CNTNAP2: variants seen among roughly 807,000 people sequenced by gnomAD.
CNTNAP2 encodes the protein contactin-associated protein-like 2.
A neutral mutation model predicts 155.2 loss-of-function variants in CNTNAP2; 98 were observed. The ratio of observed to expected loss-of-function variants is 0.63; its 90% CI spans 0.54 to 0.75. The LOEUF (loss-of-function observed/expected upper bound fraction) is 0.75, where lower values mean the gene tolerates loss of function less well. Ranked by LOEUF, CNTNAP2 falls within the 30% of genes least tolerant of loss-of-function variation. The pLI, the probability that CNTNAP2 is intolerant of heterozygous loss-of-function variation, is 0.00. For synonymous variants in CNTNAP2, 651 were observed against 631.2 expected, an observed-to-expected ratio of 1.03 and a Z score of -0.47; for missense variants, 1,727 against 1,688.1, an observed-to-expected ratio of 1.02 and a Z score of -0.40.
Position 147,262,067 on chromosome 7 carries a change from C to T in CNTNAP2, c.1349-38074C>T, listed in dbSNP as rs145237401. On this transcript the variant is annotated intron_variant, in intron 8 of 23. Transcript: ENST00000361727. ...TGTGTTAGGAGGCAAGCAAAAGTTA[C>T]AAAGAATGGATGATAATCTTTTGTT... is the stretch of plus-strand genomic sequence containing the variant. Among the ~76,000 whole-genome samples the T allele has an allele frequency of 2.6e-3, 389 of 152,240 alleles. 2 individuals carry two copies. Among genetic ancestry groups the T allele is most frequent in the African/African-American group, 8.6e-3 (357 of 41,550 alleles).
intron 8 of CNTNAP2, among the ~76,000 whole-genome samples, chr7:147,219,764 C>T (rs987626504): frequency 2.6e-5 from 4 of 152,056 alleles, no homozygotes; most frequent in African/African-American, 9.7e-5. Flanking sequence ...GAGAGCAAAG[C>T]CCTCCTGGCT....
At chr7:146,668,584 C>T (rs1436523417) in intron 1 of CNTNAP2, among the ~76,000 whole-genome samples, 1 of 151,962 alleles carries the variant, frequency 6.6e-6, no homozygotes, top group Non-Finnish European at 1.5e-5. Context: ...TATTAATTCT[C>T]CTTCATAGAT....
At chr7:147,955,257 A>T (rs1801000622) in intron 14 of CNTNAP2, among the ~76,000 whole-genome samples, 1 of 152,218 alleles carries the variant, frequency 6.6e-6, no homozygotes, top group Admixed American at 6.5e-5. Context: ...TACATATCAG[A>T]ATTTCATGTA....
chr7:148,072,099 G>T lies in CNTNAP2; in HGVS notation c.2384-46019G>T, dbSNP rs115718981. ...CACCCCACACATATACTTATTTATT[G>T]TCACAGCCTGATTTATAATTGTTTT... is the stretch of plus-strand genomic sequence containing the variant. On this transcript the variant is annotated intron_variant, in intron 15 of 23. Transcript: ENST00000361727. Among the ~76,000 whole-genome samples, 1,410 of 152,068 alleles carry T rather than the reference G, an allele frequency of 9.3e-3. 17 individuals carry two copies. The highest frequency in any genetic ancestry group is 0.024 in the Middle Eastern group (7 of 294).
intron 1 of CNTNAP2, among the ~76,000 whole-genome samples, chr7:146,326,097 C>T (rs1801092896): frequency 6.6e-6 from 1 of 152,168 alleles, no homozygotes; most frequent in South Asian, 2.1e-4. Flanking sequence ...TAATGCAATG[C>T]TCAGACATGG....
intron 10 of CNTNAP2, among the ~76,000 whole-genome samples, chr7:147,414,941 C>CAAAA (rs67048724): frequency 0.17 from 8,454 of 50,708 alleles, 995 homozygotes; most frequent in Non-Finnish European, 0.24. Context: ...GACTCCTTCT[C>CAAAA]AAAAAAAAAA....
In CNTNAP2 at chr7:146,995,932, TAAAAC is replaced by T. The variant is rs538148386; in HGVS notation, c.403-47951_403-47947del. Among the ~76,000 whole-genome samples, 422 of 152,184 alleles carry T rather than the reference TAAAAC, an allele frequency of 2.8e-3. 1 individual carries two copies. Among genetic ancestry groups the T allele is most frequent in the South Asian group, 4.3e-3 (21 of 4,832 alleles). Reference sequence around the variant, plus strand: ...TTGTCTGTGTTTTTGGAGGCATATTTAAAACAAAACAAAACAAAACAAAACAAACC... The same window carrying T: ...TTGTCTGTGTTTTTGGAGGCATATTTAAAACAAAACAAAACAAAACAAACC... On this transcript the variant is annotated intron_variant, in intron 3 of 23. Transcript: ENST00000361727.
chr7:147,975,896 G>T (rs983473801), intron 14 of CNTNAP2, among the ~76,000 whole-genome samples: 9 of 152,028 alleles, frequency 5.9e-5, no homozygotes, highest in African/African-American at 2.2e-4. Context: ...GGACAATTAT[G>T]CCCCATTATG....
At chr7:147,539,858 G>A (rs1799609146) in intron 11 of CNTNAP2, among the ~76,000 whole-genome samples, 2 of 152,186 alleles carry the variant, frequency 1.3e-5, no homozygotes, top group South Asian at 2.1e-4. Context: ...CTTCTACTGA[G>A]AGGATCGTAT....
At chr7:147,765,651 T>C (rs1366910458) in intron 13 of CNTNAP2, among the ~76,000 whole-genome samples, 2 of 152,120 alleles carry the variant, frequency 1.3e-5, no homozygotes, top group Non-Finnish European at 1.5e-5. Flanking sequence ...TATGAACACT[T>C]TGAGAAACCA....
At chr7:148,052,029 C>T (rs1454402106) in intron 15 of CNTNAP2, among the ~76,000 whole-genome samples, 1 of 151,716 alleles carries the variant, frequency 6.6e-6, no homozygotes, top group Non-Finnish European at 1.5e-5. Flanking sequence ...GTCCCAGCTG[C>T]TCGGGAGGCT....
chr7:146,147,121 G>A (rs1466369059), intron 1 of CNTNAP2, among the ~76,000 whole-genome samples: 1 of 152,138 alleles, frequency 6.6e-6, no homozygotes, highest in East Asian at 1.9e-4. Context: ...TGAAGCCCCA[G>A]TGATTCAATT....
At chr7:147,215,504 T>A (rs1057497843) in intron 8 of CNTNAP2, among the ~76,000 whole-genome samples, 2 of 152,210 alleles carry the variant, frequency 1.3e-5, no homozygotes, top group African/African-American at 4.8e-5. Flanking sequence ...TTTAACCTTA[T>A]GTCTTTTCAT....
intron 21 of CNTNAP2, among the ~76,000 whole-genome samples, chr7:148,298,966 A>G (rs963556215): frequency 2.0e-5 from 3 of 151,542 alleles, no homozygotes; most frequent in Non-Finnish European, 4.4e-5. Context: ...TCCTAAAGTA[A>G]GTCATGGCAC....
intron 13 of CNTNAP2, among the ~76,000 whole-genome samples, chr7:147,800,797 T>C (rs979021528): frequency 3.9e-5 from 6 of 152,346 alleles, no homozygotes; most frequent in Admixed American, 6.5e-5. Context: ...CAAAATATTA[T>C]AATGCCATAT....
chr7:148,304,634 T>TA (rs1563033752), intron 21 of CNTNAP2, among the ~76,000 whole-genome samples: 2 of 152,228 alleles, frequency 1.3e-5, no homozygotes, highest in East Asian at 1.9e-4. Flanking sequence ...AGCTGGGTGC[T>TA]GAAAAAACTT....
intron 12 of CNTNAP2, among the ~76,000 whole-genome samples, chr7:147,575,107 A>ATGTGTGTGTGTG (rs754922892): frequency 4.2e-5 from 4 of 94,142 alleles, no homozygotes; most frequent in African/African-American, 1.6e-4. Flanking sequence ...TTTGTGGGAA[A>ATGTGTGTGTGTG]TGTGTGTGTG....
intron 13 of CNTNAP2, among the ~76,000 whole-genome samples, chr7:147,867,377 A>G (rs1354113162): frequency 2.0e-5 from 3 of 152,058 alleles, no homozygotes; most frequent in Non-Finnish European, 2.9e-5. Context: ...GGCTGCCCTT[A>G]ATATTTTTTA....
chr7:146,835,082 T>C (rs1285914988), intron 2 of CNTNAP2, among the ~76,000 whole-genome samples: 2 of 152,196 alleles, frequency 1.3e-5, no homozygotes, highest in South Asian at 2.1e-4. Context: ...TTTTGACTTA[T>C]ATTTCTTCTG....
Sources: gnomAD v4.1 joint callset for allele counts (sites outside exome capture counted in the v4.1 genomes callset) on GRCh38, gnomAD v4.1.1 for gene constraint, MANE v1.5 for transcripts, NCBI Gene and HGNC (gene_info 2026-07-23, HGNC 2026-07-21) for gene names.